The following KCNQ3 variants were observed in gnomAD, a reference collection of about 807,000 sequenced individuals.
The protein encoded by KCNQ3 is potassium voltage-gated channel subfamily Q member 3, also known as potassium voltage-gated channel subfamily KQT member 3.
In KCNQ3, 30 loss-of-function variants were observed where a neutral mutation model predicts 92.5. The ratio of observed to expected loss-of-function variants is 0.32; its 90% CI spans 0.24 to 0.44. KCNQ3 has a LOEUF of 0.44. Ranked by LOEUF, KCNQ3 falls within the 20% of genes least tolerant of loss-of-function variation. The pLI, the probability that KCNQ3 is intolerant of heterozygous loss-of-function variation, is 1.00. For missense variants in KCNQ3, 913 were observed against 1,140.3 expected (o/e 0.80, Z 2.87); for synonymous variants, 450 against 468.8 (o/e 0.96, Z 0.52).
At chr8:132,252,146 T>C (rs1388017559) in intron 1 of KCNQ3, among the ~76,000 whole-genome samples, 1 of 152,202 alleles carries the variant, frequency 6.6e-6, no homozygotes, top group African/African-American at 2.4e-5. Flanking sequence ...CACACTCTTA[T>C]TGGACAGGCC....
chr8:132,218,875 C>A (rs1814127134), intron 1 of KCNQ3, among the ~76,000 whole-genome samples: 1 of 152,180 alleles, frequency 6.6e-6, no homozygotes, highest in South Asian at 2.1e-4. Context: ...AGTCTCCCTT[C>A]CTCACTTCCC....
chr8:132,447,473 T>G (rs1185525288), intron 1 of KCNQ3, among the ~76,000 whole-genome samples: 68 of 151,160 alleles, frequency 4.5e-4, no homozygotes, highest in Non-Finnish European at 1.2e-4. Context: ...ATTGGCTGTG[T>G]GTGAGGAAAG....
intron 1 of KCNQ3, among the ~76,000 whole-genome samples, chr8:132,391,938 A>G (rs975606839): frequency 6.6e-6 from 1 of 152,192 alleles, no homozygotes; most frequent in African/African-American, 2.4e-5. Context: ...ATAATAATCC[A>G]TCCTAAAGCC....
chr8:132,161,405 G>A (rs573940649), intron 9 of KCNQ3, among the ~76,000 whole-genome samples: 12 of 152,288 alleles, frequency 7.9e-5, no homozygotes, highest in African/African-American at 2.9e-4. Context: ...AAGACGGGCG[G>A]ATCACCTGAG....
At chr8:132,297,481 C>T (rs984615334) in intron 1 of KCNQ3, among the ~76,000 whole-genome samples, 5 of 152,108 alleles carry the variant, frequency 3.3e-5, no homozygotes, top group African/African-American at 9.7e-5. Context: ...GAACAGTGTG[C>T]TAATCAATAA....
At chr8:132,392,344 C>T (rs752707427) in intron 1 of KCNQ3, among the ~76,000 whole-genome samples, 14 of 152,076 alleles carry the variant, frequency 9.2e-5, no homozygotes, top group East Asian at 7.7e-4. Flanking sequence ...CCGAGCCCTG[C>T]CCCAGCCCAG....
intron 9 of KCNQ3, 120 bp downstream of exon 9, chr8:132,163,348 A>AC (rs1238595647): frequency 1.2e-6 from 1 of 844,756 alleles, no homozygotes; most frequent in East Asian, 2.4e-5. Context: ...CAACAGTGTG[A>AC]CCCCAAAGAC....
At chr8:132,328,805 C>G (rs1177050464) in intron 1 of KCNQ3, among the ~76,000 whole-genome samples, 2 of 152,144 alleles carry the variant, frequency 1.3e-5, no homozygotes, top group Non-Finnish European at 2.9e-5. Context: ...ACCACTCTTT[C>G]TCATTTTTAC....
intron 1 of KCNQ3, among the ~76,000 whole-genome samples, chr8:132,433,102 G>A (rs1255863679): frequency 2.0e-5 from 3 of 152,210 alleles, no homozygotes; most frequent in African/African-American, 4.8e-5. Flanking sequence ...CATATTGGAG[G>A]AGAATTGGAG....
At chr8:132,311,988 CAGA>C (rs543268404) in intron 1 of KCNQ3, among the ~76,000 whole-genome samples, 306 of 152,116 alleles carry the variant, frequency 2.0e-3, no homozygotes, top group African/African-American at 6.7e-3. Context: ...CACAGAAACT[CAGA>C]AGAAGTCCAT....
intron 9 of KCNQ3, among the ~76,000 whole-genome samples, chr8:132,150,018 C>T (rs1008670172): frequency 9.2e-5 from 14 of 152,270 alleles, no homozygotes; most frequent in African/African-American, 3.4e-4. Flanking sequence ...GTTAACACAG[C>T]CCTGGATTTA....
rs531774226 is a variant in KCNQ3 at position 132,282,496 on chromosome 8, C to T, written c.387-96315G>A. On this transcript the variant is annotated intron_variant, in intron 1 of 14. Transcript: ENST00000388996. ...TACACTCTCCAGCATCTCCTAGGCT[C>T]CCTCTTTGTCTCTTCTTTCTTCCCA... Among the ~76,000 whole-genome samples, 23 of 152,266 alleles carry T rather than the reference C, an allele frequency of 1.5e-4. No individual in the cohort carries two copies. In the South Asian group the frequency reaches 4.6e-3, roughly 30 times the overall value.
chr8:132,339,574 A>G (rs1818461486), intron 1 of KCNQ3, among the ~76,000 whole-genome samples: 2 of 152,216 alleles, frequency 1.3e-5, no homozygotes, highest in African/African-American at 4.8e-5. Flanking sequence ...TTTAAAAATT[A>G]GCTGGGCATG....
chr8:132,350,416 G>T (rs1053893206), intron 1 of KCNQ3, among the ~76,000 whole-genome samples: 1 of 152,070 alleles, frequency 6.6e-6, no homozygotes, highest in African/African-American at 2.4e-5. Context: ...GGACAGAAGG[G>T]TTTACAGGTA....
rs142703307 is a variant in KCNQ3, at chr8:132,439,786, C to T, written c.386+40361G>A. Among the ~76,000 whole-genome samples the T allele has an allele frequency of 2.8e-3, 433 of 152,300 alleles. 1 individual carries two copies. Among genetic ancestry groups the T allele is most frequent in the Middle Eastern group, 0.01 (3 of 294 alleles). ...TCCAGAAGGGACACAGCCCTGCTGA[C>T]ACCTTGTTTTACCCCAGTGAGACCT... is the stretch of plus-strand genomic sequence containing the variant. On this transcript the variant is annotated intron_variant, in intron 1 of 14. Coordinates refer to ENST00000388996, the MANE Select transcript of KCNQ3 (RefSeq NM_004519.4).
At chr8:132,276,112 T>A (rs1177633770) in intron 1 of KCNQ3, among the ~76,000 whole-genome samples, 4 of 152,182 alleles carry the variant, frequency 2.6e-5, no homozygotes, top group Admixed American at 1.3e-4. Flanking sequence ...GGCCTTTGAT[T>A]CTAGGACTGC....
At chr8:132,182,880 T>TCA (rs1240272682) in intron 3 of KCNQ3, among the ~76,000 whole-genome samples, 4 of 129,978 alleles carry the variant, frequency 3.1e-5, no homozygotes, top group South Asian at 2.4e-4. Context: ...TCCTCCAATA[T>TCA]CGCACACACA....
At chr8:132,377,006 C>T (rs753270484) in intron 1 of KCNQ3, among the ~76,000 whole-genome samples, 4 of 152,152 alleles carry the variant, frequency 2.6e-5, no homozygotes, top group African/African-American at 7.2e-5. Context: ...AAGGGAATTG[C>T]GATGGTTAAT....
chr8:132,130,091 T>G lies in KCNQ3; in HGVS notation c.1885-95A>C, dbSNP rs1446706649. On this transcript the variant is annotated intron_variant, in intron 14 of 14. Transcript: ENST00000388996. ...GAAATATTCTTTTTTTTTGTTTTTT[T>G]TTTTTTTTTGAGACGAAGTCTCAGT... The G allele has an allele frequency of 4.3e-6, 6 of 1,411,688 alleles. No homozygotes were observed. In the East Asian group the frequency reaches 7.1e-5, roughly 17 times the overall value. 87.4% of individuals were successfully genotyped at this position (1,411,688 alleles called of 1,614,324 possible). A position where few individuals can be genotyped will look rare whatever the true frequency, so the allele number is the denominator to read the frequency against.
Sources: allele counts gnomAD v4.1 joint callset (sites outside exome capture counted in the v4.1 genomes callset), GRCh38; gene constraint gnomAD v4.1.1; transcripts MANE v1.5; gene names NCBI Gene and HGNC (gene_info 2026-07-23, HGNC 2026-07-21).